Variants in GPC5 observed in about 807,000 individuals in gnomAD.
GPC5 encodes glypican 5, also known as glypican-5.
Under a neutral mutation model 53.9 loss-of-function variants are expected in GPC5, and 47 were observed. That is an observed-to-expected ratio of 0.87 (90% confidence interval 0.69 to 1.11). The LOEUF (loss-of-function observed/expected upper bound fraction) is 1.11. Among genes scored for constraint, GPC5 ranks in the 50% most tolerant of loss-of-function variants. The pLI is 0.00. For missense variants in GPC5, 748 were observed against 713.1 expected (o/e 1.05, Z -0.56); for synonymous variants, 286 against 263.3 (o/e 1.09, Z -0.84).
intron 2 of GPC5, among the ~76,000 whole-genome samples, chr13:91,506,730 G>C (rs200450246): frequency 2.8e-5 from 1 of 35,174 alleles, no homozygotes; most frequent in East Asian, 2.2e-3. Context: ...CATATTTAAA[G>C]TAAAAGCACA....
At chr13:92,558,547 T>A (rs1031882047) in intron 7 of GPC5, among the ~76,000 whole-genome samples, 8 of 152,052 alleles carry the variant, frequency 5.3e-5, no homozygotes, top group Non-Finnish European at 1.0e-4. Context: ...TAGGGTTATG[T>A]TTGTCATATT....
chr13:92,314,566 G>C (rs996168646), intron 7 of GPC5, among the ~76,000 whole-genome samples: 1 of 152,134 alleles, frequency 6.6e-6, no homozygotes, highest in African/African-American at 2.4e-5. Flanking sequence ...TAGCATCGCT[G>C]GGGCAGCAAA....
chr13:91,425,072 G>C (rs1239442271), intron 1 of GPC5, among the ~76,000 whole-genome samples: 1 of 152,088 alleles, frequency 6.6e-6, no homozygotes, highest in East Asian at 1.9e-4. Flanking sequence ...TAAATGAACT[G>C]TTTATTTTTC....
At chr13:92,575,779 A>T (rs970048536) in intron 7 of GPC5, among the ~76,000 whole-genome samples, 13 of 152,196 alleles carry the variant, frequency 8.5e-5, no homozygotes, top group East Asian at 1.9e-4. Flanking sequence ...TGAAATTTTT[A>T]AAATAATATT....
intron 2 of GPC5, among the ~76,000 whole-genome samples, chr13:91,656,846 G>A (rs1282246486): frequency 6.6e-6 from 1 of 152,066 alleles, no homozygotes; most frequent in Non-Finnish European, 1.5e-5. Flanking sequence ...TTGTCCATTT[G>A]TTCAACAAAT....
chr13:91,606,858 T>G (rs1250999381), intron 2 of GPC5, among the ~76,000 whole-genome samples: 5 of 151,952 alleles, frequency 3.3e-5, no homozygotes, highest in African/African-American at 1.2e-4. Context: ...TTTTCTTTAT[T>G]AGTCTTGCTA....
At chr13:91,541,366 T>C (rs148423256) in intron 2 of GPC5, among the ~76,000 whole-genome samples, 357 of 152,304 alleles carry the variant, frequency 2.3e-3, no homozygotes, top group South Asian at 7.0e-3. Flanking sequence ...TTCTGTCTAC[T>C]ATTCTTGAAT....
intron 2 of GPC5, among the ~76,000 whole-genome samples, chr13:91,644,902 T>C (rs16946341): frequency 0.045 from 6,924 of 152,278 alleles, 533 homozygotes; most frequent in African/African-American, 0.16. Context: ...AATAATAACT[T>C]AAAGACTGTT....
At chr13:92,217,744 C>A (rs759059444) in intron 7 of GPC5, among the ~76,000 whole-genome samples, 3 of 152,000 alleles carry the variant, frequency 2.0e-5, no homozygotes, top group Non-Finnish European at 4.4e-5. Flanking sequence ...GGATCACAAG[C>A]TTTTACAGGC....
chr13:91,580,075 G>C (rs1160113718), intron 2 of GPC5, among the ~76,000 whole-genome samples: 2 of 151,998 alleles, frequency 1.3e-5, no homozygotes, highest in African/African-American at 4.8e-5. Flanking sequence ...TTTTGAAACA[G>C]AGTCTTGCTC....
chr13:92,345,387 A>C (rs1276373587), intron 7 of GPC5, among the ~76,000 whole-genome samples: 1 of 152,172 alleles, frequency 6.6e-6, no homozygotes, highest in Non-Finnish European at 1.5e-5. Context: ...CACACATAGT[A>C]GTAGCATTTA....
At position 91,956,324 on chromosome 13, in the gene GPC5, C is replaced by T. The variant is rs139479718; in HGVS notation, c.1401+48267C>T. On this transcript the variant is annotated intron_variant, in intron 6 of 7. Transcript: ENST00000377067. ...AGCTGGCACCCACCAGCATGCATTA[C>T]TTATGGGCCTGGGGACTGGCCTGCC... Among the ~76,000 whole-genome samples, 10 of 152,312 alleles carry T rather than the reference C, an allele frequency of 6.6e-5. No homozygotes were observed. In the East Asian group the frequency reaches 1.9e-3, roughly 30 times the overall value.
At position 92,073,499 on chromosome 13, in the gene GPC5, T is replaced by C. The variant is rs1164025050; in HGVS notation, c.1402-71331T>C. On this transcript the variant is annotated intron_variant, in intron 6 of 7. Coordinates refer to ENST00000377067, the MANE Select transcript of GPC5 (RefSeq NM_004466.6). ...TGTGTCTTTAATATTGGACTTTCTA[T>C]GTCATACAGTCAGTATCTTTGGTCT... Among the ~76,000 whole-genome samples, 6 of 152,242 alleles carry C rather than the reference T, an allele frequency of 3.9e-5. No individual in the cohort carries two copies. In the East Asian group the frequency reaches 5.8e-4, roughly 15 times the overall value.
At chr13:92,066,386 A>G (rs145578775) in intron 6 of GPC5, among the ~76,000 whole-genome samples, 2 of 151,654 alleles carry the variant, frequency 1.3e-5, no homozygotes, top group Admixed American at 6.6e-5. Context: ...AAGGAAGTAG[A>G]TGATTTGCTC....
chr13:91,718,924 C>T (rs1345839314), intron 3 of GPC5, among the ~76,000 whole-genome samples: 2 of 152,026 alleles, frequency 1.3e-5, no homozygotes, highest in African/African-American at 4.8e-5. Flanking sequence ...ACATTTCATA[C>T]TTAGAAATTC....
rs190256516 is a variant in GPC5, at chr13:92,662,853, C to G, written c.1562-203429C>G. 5.6e-4 allele frequency among the ~76,000 whole-genome samples: 86 copies of G among 152,302 alleles called. 1 individual carries two copies. The highest frequency in any genetic ancestry group is 1.2e-3 in the South Asian group (6 of 4,826). ...CTTTGCATGGCAATCACACTCTTGC[C>G]TGACTTCCTTCTCTTCCTTGCCCTG... On this transcript the variant is annotated intron_variant, in intron 7 of 7. Coordinates refer to ENST00000377067, the MANE Select transcript of GPC5 (RefSeq NM_004466.6).
intron 7 of GPC5, among the ~76,000 whole-genome samples, chr13:92,716,274 T>C (rs1888324934): frequency 6.6e-6 from 1 of 152,188 alleles, no homozygotes; most frequent in African/African-American, 2.4e-5. Flanking sequence ...TCTTCATTTA[T>C]ATGCCAGCAA....
chr13:91,950,702 C>A (rs559995250), intron 6 of GPC5, among the ~76,000 whole-genome samples: 1 of 152,260 alleles, frequency 6.6e-6, no homozygotes, highest in South Asian at 2.1e-4. Context: ...GTATACTCTG[C>A]GCTTTCTACT....
intron 7 of GPC5, among the ~76,000 whole-genome samples, chr13:92,425,844 A>T (rs1009825920): frequency 6.6e-6 from 1 of 152,010 alleles, no homozygotes; most frequent in Non-Finnish European, 1.5e-5. Flanking sequence ...TGTTATCTTC[A>T]TTTTAAGTTG....
Sources: gnomAD v4.1 joint callset for allele counts (sites outside exome capture counted in the v4.1 genomes callset) on GRCh38, gnomAD v4.1.1 for gene constraint, MANE v1.5 for transcripts, NCBI Gene and HGNC (gene_info 2026-07-23, HGNC 2026-07-21) for gene names.